BCAT1: variants seen among roughly 807,000 people sequenced by gnomAD.
The protein encoded by BCAT1 is branched chain amino acid transaminase 1.
BCAT1 carries 48 observed loss-of-function variants against 52.4 expected under a neutral mutation model. The ratio of observed to expected loss-of-function variants is 0.92; its 90% CI spans 0.73 to 1.16. BCAT1 has a LOEUF of 1.16. Among genes scored for constraint, BCAT1 ranks in the 50% most tolerant of loss-of-function variants. The probability of loss-of-function intolerance (pLI) is 0.00; values close to 1 mark genes in which losing one functional copy is unlikely to be tolerated. For synonymous variants in BCAT1, 167 were observed against 161.3 expected, an observed-to-expected ratio of 1.04 and a Z score of -0.27; for missense variants, 451 against 457.1, an observed-to-expected ratio of 0.99 and a Z score of 0.12.
intron 5 of BCAT1, among the ~76,000 whole-genome samples, chr12:24,872,901 A>G (rs1432048036): frequency 6.6e-6 from 1 of 152,250 alleles, no homozygotes; most frequent in East Asian, 1.9e-4. Flanking sequence ...ACATATGCCT[A>G]AAAAGTGGAA....
At chr12:24,886,156 GC>G (rs1942657481) in intron 3 of BCAT1, among the ~76,000 whole-genome samples, 1 of 152,190 alleles carries the variant, frequency 6.6e-6, no homozygotes, top group African/African-American at 2.4e-5. Context: ...CGTGGCTCAC[GC>G]CTGTAATTCC....
chr12:24,838,604 G>A (rs1298778353), intron 7 of BCAT1, among the ~76,000 whole-genome samples: 2 of 152,114 alleles, frequency 1.3e-5, no homozygotes, highest in Non-Finnish European at 2.9e-5. Context: ...AATGAAAACA[G>A]CAGCCCCGCA....
At chr12:24,837,735 T>C (rs1041628499) in intron 7 of BCAT1, among the ~76,000 whole-genome samples, 1 of 152,082 alleles carries the variant, frequency 6.6e-6, no homozygotes, top group African/African-American at 2.4e-5. Context: ...CCTAAGAGTC[T>C]ATCTTTAGTG....
chr12:24,932,059 A>G (rs1003195893), intron 1 of BCAT1, among the ~76,000 whole-genome samples: 1 of 152,258 alleles, frequency 6.6e-6, no homozygotes, highest in Non-Finnish European at 1.5e-5. Context: ...GGAATTGGAA[A>G]GAATTCATAA....
At chr12:24,930,263 A>C (rs2139740709) in intron 1 of BCAT1, among the ~76,000 whole-genome samples, 1 of 152,210 alleles carries the variant, frequency 6.6e-6, no homozygotes, top group East Asian at 1.9e-4. Context: ...CTTCAACCCC[A>C]GCTCTGGCAT....
chr12:24,903,193 C>G, intron 1 of BCAT1: 4 of 1,135,572 alleles, frequency 3.5e-6, no homozygotes, highest in Non-Finnish European at 3.4e-6. Context: ...CCAACCGTCT[C>G]GTCCCAGTCT....
chr12:24,834,053 T>C (rs1940817744), intron 8 of BCAT1: 7 of 684,762 alleles, frequency 1.0e-5, no homozygotes, highest in Non-Finnish European at 1.3e-5. Context: ...GCTGGGCTCA[T>C]GTGATCCTCC....
chr12:24,912,315 C>A (rs1185819971), intron 1 of BCAT1, among the ~76,000 whole-genome samples: 1 of 151,846 alleles, frequency 6.6e-6, no homozygotes, highest in African/African-American at 2.4e-5. Flanking sequence ...GAGATTGAGA[C>A]CATCCTGTCT....
At chr12:24,887,066 A>ATAAAAAAAAT (rs1459886482) in intron 3 of BCAT1, among the ~76,000 whole-genome samples, 3 of 78,714 alleles carry the variant, frequency 3.8e-5, no homozygotes, top group South Asian at 4.9e-4. Context: ...CTAGCTAAAA[A>ATAAAAAAAAT]AAAAAAAAAA....
rs145332926 is a variant in BCAT1 at position 24,910,771 on chromosome 12, TG to T, written c.7-8887del. Among the ~76,000 whole-genome samples, 19 of 152,330 alleles carry T rather than the reference TG, an allele frequency of 1.2e-4. No individual in the cohort carries two copies. The East Asian group carries it at 3.5e-3, about 28-fold the overall frequency. On this transcript the variant is annotated intron_variant, in intron 1 of 10. Transcript: ENST00000261192. ...TTGTCAGTTCCGATGAAATCATTGTTGTTTTTTTAATCTCATGATATGGTTA... is the reference window on the plus strand; with the variant it reads ...TTGTCAGTTCCGATGAAATCATTGTTTTTTTTTAATCTCATGATATGGTTA...
intron 3 of BCAT1, among the ~76,000 whole-genome samples, chr12:24,893,857 C>T (rs1242764812): frequency 6.6e-6 from 1 of 152,138 alleles, no homozygotes; most frequent in Non-Finnish European, 1.5e-5. Flanking sequence ...CCTTAACATG[C>T]ATAACTAGAC....
intron 6 of BCAT1, among the ~76,000 whole-genome samples, chr12:24,846,678 C>T (rs1420845092): frequency 1.3e-5 from 2 of 152,206 alleles, no homozygotes; most frequent in Non-Finnish European, 2.9e-5. Flanking sequence ...TAATTTAAAA[C>T]TTTGAAATGC....
At chr12:24,870,252 G>A (rs1368508924) in intron 5 of BCAT1, among the ~76,000 whole-genome samples, 2 of 152,178 alleles carry the variant, frequency 1.3e-5, no homozygotes, top group African/African-American at 4.8e-5. Flanking sequence ...TTAATTGGCT[G>A]TGTGTATGTA....
chr12:24,872,923 A>T (rs1692572660), intron 5 of BCAT1, among the ~76,000 whole-genome samples: 1 of 152,252 alleles, frequency 6.6e-6, no homozygotes, highest in South Asian at 2.1e-4. Context: ...GCTAAGAGCA[A>T]CAATCAAATG....
At chr12:24,820,825 C>CT (rs1288240971) in intron 10 of BCAT1, among the ~76,000 whole-genome samples, 1 of 68,876 alleles carries the variant, frequency 1.5e-5, no homozygotes, top group Non-Finnish European at 3.0e-5. Flanking sequence ...TAATTTCATA[C>CT]GGCTTTGCTA....
intron 10 of BCAT1, among the ~76,000 whole-genome samples, chr12:24,828,075 C>T (rs1940484223): frequency 6.6e-6 from 1 of 152,062 alleles, no homozygotes; most frequent in African/African-American, 2.4e-5. Flanking sequence ...TTATCACTAC[C>T]CAAGGACCTC....
chr12:24,824,513 T>G (rs1425124844), intron 10 of BCAT1, among the ~76,000 whole-genome samples: 1 of 152,120 alleles, frequency 6.6e-6, no homozygotes. Context: ...TTGCCTAGGC[T>G]CGTCTTGAAG....
chr12:24,838,666 T>C (rs770743183), intron 7 of BCAT1, among the ~76,000 whole-genome samples: 1 of 152,100 alleles, frequency 6.6e-6, no homozygotes, highest in Non-Finnish European at 1.5e-5. Flanking sequence ...CTGTAACCAC[T>C]AGCCTGAGGT....
intron 10 of BCAT1, 69 bp from the exon 11 acceptor site, chr12:24,818,118 CTT>C: frequency 6.8e-7 from 1 of 1,475,484 alleles, no homozygotes; most frequent in Non-Finnish European, 9.5e-7. Flanking sequence ...TACAAACAAA[CTT>C]AATACCGCCA....
Sources: allele counts gnomAD v4.1 joint callset (sites outside exome capture counted in the v4.1 genomes callset), GRCh38; gene constraint gnomAD v4.1.1; transcripts MANE v1.5; gene names NCBI Gene and HGNC (gene_info 2026-07-23, HGNC 2026-07-21).